CLEC4A: variants seen among roughly 807,000 people sequenced by gnomAD.
CLEC4A encodes C-type (calcium dependent, carbohydrate-recognition domain) lectin, superfamily member 6.
In CLEC4A, 27 loss-of-function variants were observed where a neutral mutation model predicts 32.7. The ratio of observed to expected loss-of-function variants is 0.83; its 90% CI spans 0.61 to 1.14. The LOEUF is 1.14. Among genes scored for constraint, CLEC4A ranks in the 50% most tolerant of loss-of-function variants. The pLI is 0.00. For synonymous variants in CLEC4A, 89 were observed against 93.7 expected (o/e 0.95, Z 0.29); for missense variants, 253 against 274.6 (o/e 0.92, Z 0.55).
At chr12:8,107,475 C>A in the CLEC4A span, among the ~76,000 whole-genome samples, 1 of 152,098 alleles carries the variant, frequency 6.6e-6, no homozygotes, top group South Asian at 2.1e-4. Context: ...CTTTATACAT[C>A]CAGTAGAATT....
At chr12:8,128,398 A>G (rs966348052) in intron 2 of CLEC4A, among the ~76,000 whole-genome samples, 7 of 138,650 alleles carry the variant, frequency 5.0e-5, no homozygotes, top group African/African-American at 1.8e-4. Flanking sequence ...GAGGAAAGAC[A>G]AAAAGTTCAA....
At chr12:8,119,286 G>A (rs762405558), upstream of CLEC4A, among the ~76,000 whole-genome samples, 6 of 152,328 alleles carry the variant, frequency 3.9e-5, no homozygotes, top group South Asian at 1.2e-3. Flanking sequence ...GTGCAATGGT[G>A]CGATCTCAGT....
At chr12:8,115,321 G>A in the CLEC4A span, among the ~76,000 whole-genome samples, 932 of 152,314 alleles carry the variant, frequency 6.1e-3, 8 homozygotes, top group African/African-American at 0.019. Flanking sequence ...ATCAACTGAA[G>A]GGCTGGTTAA....
At chr12:8,112,792 T>C in the CLEC4A span, among the ~76,000 whole-genome samples, 2 of 152,302 alleles carry the variant, frequency 1.3e-5, no homozygotes, top group South Asian at 4.2e-4. Flanking sequence ...CTTTATATCC[T>C]AAGTCATATA....
chr12:8,125,728 G>A, intron 2 of CLEC4A, 51 bp downstream of exon 2: 1 of 1,092,846 alleles, frequency 9.2e-7, no homozygotes, highest in Non-Finnish European at 1.4e-6. Flanking sequence ...CATGAACAGA[G>A]GGTATCCTTT....
At chr12:8,110,968 G>A in the CLEC4A span, among the ~76,000 whole-genome samples, 1 of 151,770 alleles carries the variant, frequency 6.6e-6, no homozygotes. Context: ...CCGTCTCCCA[G>A]GTTCACACCA....
the CLEC4A span, among the ~76,000 whole-genome samples, chr12:8,115,249 CA>C: frequency 1.3e-5 from 2 of 152,294 alleles, no homozygotes; most frequent in Non-Finnish European, 1.5e-5. Flanking sequence ...TCCTGCCTTT[CA>C]AAATGGCACA....
At chr12:8,115,223 C>T in the CLEC4A span, among the ~76,000 whole-genome samples, 1 of 152,074 alleles carries the variant, frequency 6.6e-6, no homozygotes, top group Non-Finnish European at 1.5e-5. Flanking sequence ...CTTAAAAATC[C>T]AAAGAGGCCT....
the CLEC4A span, among the ~76,000 whole-genome samples, chr12:8,113,300 C>T: frequency 6.6e-6 from 1 of 152,114 alleles, no homozygotes; most frequent in Non-Finnish European, 1.5e-5. Context: ...ATGAACTCAT[C>T]ATTTTTTATG....
chr12:8,133,950 C>T (rs894145917), intron 3 of CLEC4A: 19 of 1,608,356 alleles, frequency 1.2e-5, no homozygotes, highest in Non-Finnish European at 1.5e-5. Context: ...AAAGGAGACC[C>T]AACAGCCTCA....
chr12:8,122,531 C>T (rs914207342), upstream of CLEC4A, among the ~76,000 whole-genome samples: 2 of 151,904 alleles, frequency 1.3e-5, no homozygotes, highest in Admixed American at 6.5e-5. Context: ...AGGGCATCCG[C>T]GCAGGGGATG....
At chr12:8,107,771 C>CT in the CLEC4A span, among the ~76,000 whole-genome samples, 117 of 140,240 alleles carry the variant, frequency 8.3e-4, no homozygotes, top group Middle Eastern at 3.8e-3. Flanking sequence ...CGATCTTCTG[C>CT]TTTTTTTTTT....
At chr12:8,129,418 A>C in intron 3 of CLEC4A, 56 bp downstream of exon 3, 1 of 1,114,804 alleles carries the variant, frequency 9.0e-7, no homozygotes, top group Non-Finnish European at 1.3e-6. Flanking sequence ...AAGGATCCCA[A>C]ATCAATATTT....
upstream of CLEC4A, chr12:8,121,087 GC>G (rs1480936391): frequency 3.9e-5 from 6 of 152,224 alleles, no homozygotes; most frequent in Non-Finnish European, 8.8e-5. Context: ...CTCCAAGGTG[GC>G]CCTAAGCACA....
the CLEC4A span, among the ~76,000 whole-genome samples, chr12:8,107,237 G>A: frequency 6.6e-6 from 1 of 152,100 alleles, no homozygotes; most frequent in East Asian, 1.9e-4. Flanking sequence ...GCTTGATAAT[G>A]GTGGATTAAC....
chr12:8,123,407 C>T (rs1591605623), upstream of CLEC4A, among the ~76,000 whole-genome samples: 3 of 152,272 alleles, frequency 2.0e-5, no homozygotes, highest in East Asian at 5.8e-4. Flanking sequence ...GTTGCCTGAT[C>T]AGTCAAAATT....
intron 3 of CLEC4A, among the ~76,000 whole-genome samples, chr12:8,131,534 A>G (rs1017166576): frequency 6.6e-6 from 1 of 152,122 alleles, no homozygotes; most frequent in East Asian, 1.9e-4. Context: ...CAGATCTTCA[A>G]TTGATTAGAT....
chr12:8,133,330 C>T (rs1378223447), intron 3 of CLEC4A, among the ~76,000 whole-genome samples: 5 of 152,112 alleles, frequency 3.3e-5, no homozygotes, highest in Non-Finnish European at 5.9e-5. Flanking sequence ...GGTTTACAGG[C>T]GTGAGCCACT....
the CLEC4A span, among the ~76,000 whole-genome samples, chr12:8,114,175 A>C: frequency 6.6e-6 from 1 of 152,186 alleles, no homozygotes; most frequent in Non-Finnish European, 1.5e-5. Context: ...TTGCCCTAAA[A>C]TTGGCTAGTA....
Sources: gnomAD v4.1 joint callset for allele counts (sites outside exome capture counted in the v4.1 genomes callset) on GRCh38, gnomAD v4.1.1 for gene constraint, MANE v1.5 for transcripts, NCBI Gene and HGNC (gene_info 2026-07-23, HGNC 2026-07-21) for gene names.